The following SLC14A2 variants were observed in gnomAD, a reference collection of about 807,000 sequenced individuals.
SLC14A2 encodes the protein solute carrier family 14 member 2.
A neutral mutation model predicts 104.6 loss-of-function variants in SLC14A2; 91 were observed. That is an observed-to-expected ratio of 0.87 (90% CI 0.73 to 1.04). SLC14A2 has a LOEUF of 1.04. Among genes scored for constraint, SLC14A2 ranks in the 50% least tolerant of loss-of-function variants. The probability of loss-of-function intolerance (pLI) is 0.00; values close to 1 mark genes in which losing one functional copy is unlikely to be tolerated. For missense variants in SLC14A2, 1,189 were observed against 1,156.0 expected (o/e 1.03, Z -0.41); for synonymous variants, 476 against 466.4 (o/e 1.02, Z -0.27).
At chr18:45,472,017 T>TC (rs2087259020) in intron 1 of SLC14A2, among the ~76,000 whole-genome samples, 1 of 152,116 alleles carries the variant, frequency 6.6e-6, no homozygotes, top group Non-Finnish European at 1.5e-5. Flanking sequence ...CCTAATGCTA[T>TC]CCTTCCCCTA....
At chr18:45,594,881 C>T (rs941317751) in intron 2 of SLC14A2, among the ~76,000 whole-genome samples, 7 of 152,158 alleles carry the variant, frequency 4.6e-5, no homozygotes, top group Admixed American at 3.3e-4. Context: ...ACACCCTGGT[C>T]GGAACAGAAT....
intron 1 of SLC14A2, among the ~76,000 whole-genome samples, chr18:45,307,131 C>A (rs998232651): frequency 2.0e-5 from 3 of 152,040 alleles, no homozygotes; most frequent in Non-Finnish European, 2.9e-5. Flanking sequence ...AAAAGACTAA[C>A]CTTGGCCGGG....
Position 45,502,916 on chromosome 18 carries a change from GT to G in SLC14A2, c.-35+19606del, listed in dbSNP as rs1305401201. 3.9e-3 allele frequency among the ~76,000 whole-genome samples: 554 copies of G among 143,266 alleles called. 3 individuals carry two copies. Among genetic ancestry groups the G allele is most frequent in the African/African-American group, 0.011 (448 of 39,486 alleles). 94.0% of individuals were successfully genotyped at this position (143,266 alleles called of 152,430 possible). A position where few individuals can be genotyped will look rare whatever the true frequency, so the allele number is the denominator to read the frequency against. ...ATGTGTCCTATGTGTCCTATTTCTGGTTTTTTTTTTTTAAGGAATGATCAAT... is the reference window on the plus strand; with the variant it reads ...ATGTGTCCTATGTGTCCTATTTCTGGTTTTTTTTTTTAAGGAATGATCAAT... On this transcript the variant is annotated intron_variant, in intron 2 of 20. Transcript: ENST00000586448.
intron 1 of SLC14A2, among the ~76,000 whole-genome samples, chr18:45,257,880 T>G (rs1300012973): frequency 2.0e-5 from 3 of 152,196 alleles, no homozygotes; most frequent in Non-Finnish European, 4.4e-5. Context: ...TTATCACATA[T>G]TTGAGCCACA....
chr18:45,192,546 C>G, the SLC14A2 span, among the ~76,000 whole-genome samples: 1 of 152,096 alleles, frequency 6.6e-6, no homozygotes, highest in Non-Finnish European at 1.5e-5. Flanking sequence ...TGTTTCGTTT[C>G]CTTCACATGC....
At chr18:45,178,475 A>G in the SLC14A2 span, among the ~76,000 whole-genome samples, 2 of 152,178 alleles carry the variant, frequency 1.3e-5, no homozygotes, top group Non-Finnish European at 2.9e-5. Context: ...TAATTTAGAG[A>G]ACACCTGAGA....
At chr18:45,366,005 A>C (rs930972082) in intron 1 of SLC14A2, among the ~76,000 whole-genome samples, 1 of 152,128 alleles carries the variant, frequency 6.6e-6, no homozygotes. Context: ...AAAAAAAAAA[A>C]AAAATCAACT....
chr18:45,642,168 T>C (rs1231219318), intron 8 of SLC14A2, among the ~76,000 whole-genome samples: 1 of 152,172 alleles, frequency 6.6e-6, no homozygotes, highest in East Asian at 1.9e-4. Context: ...CATTAATAAA[T>C]AAAACTAGAG....
rs74775616 is a variant in SLC14A2, at chr18:45,625,425, T to C, written c.151-258T>C. ...TACAAACATTATTCTGAAAAGAAGC[T>C]CATGGGCTTCATTAAACTGCCAAAA... is the stretch of plus-strand genomic sequence containing the variant. On this transcript the variant is annotated intron_variant, in intron 2 of 19. Transcript: ENST00000255226. Among the ~76,000 whole-genome samples the C allele has an allele frequency of 4.6e-4, 70 of 152,320 alleles. 1 individual carries two copies. In the East Asian group the frequency reaches 0.014, roughly 29 times the overall value.
At chr18:45,274,103 T>C (rs1356370148) in intron 1 of SLC14A2, among the ~76,000 whole-genome samples, 4 of 152,150 alleles carry the variant, frequency 2.6e-5, no homozygotes. Flanking sequence ...GTATTGGTGA[T>C]AGCACAACCT....
intron 3 of SLC14A2, 60 bp downstream of exon 3, chr18:45,625,923 T>C (rs2144506872): frequency 7.8e-7 from 1 of 1,284,014 alleles, no homozygotes; most frequent in South Asian, 2.2e-5. Flanking sequence ...GACAACCCTC[T>C]CTCCGGTTTG....
intron 1 of SLC14A2, among the ~76,000 whole-genome samples, chr18:45,285,400 A>G (rs1054399089): frequency 2.0e-5 from 3 of 152,314 alleles, no homozygotes; most frequent in South Asian, 2.1e-4. Flanking sequence ...TCCATCAGTC[A>G]CTGCACTATA....
At chr18:45,356,848 A>G (rs2085559159) in intron 1 of SLC14A2, among the ~76,000 whole-genome samples, 1 of 152,186 alleles carries the variant, frequency 6.6e-6, no homozygotes, top group African/African-American at 2.4e-5. Flanking sequence ...TTTGGAAATG[A>G]GAGGTCTGTA....
intron 1 of SLC14A2, among the ~76,000 whole-genome samples, chr18:45,439,838 C>A (rs948807101): frequency 6.6e-6 from 1 of 152,104 alleles, no homozygotes; most frequent in Non-Finnish European, 1.5e-5. Flanking sequence ...CACCAGTTGG[C>A]CTTTTACACC....
intron 1 of SLC14A2, among the ~76,000 whole-genome samples, chr18:45,243,995 C>A (rs555961108): frequency 7.2e-5 from 11 of 152,180 alleles, no homozygotes; most frequent in Non-Finnish European, 1.5e-4. Context: ...TATATAATGT[C>A]TCTGGGGTTA....
chr18:45,657,435 C>T (rs1366280814), intron 10 of SLC14A2, among the ~76,000 whole-genome samples: 2 of 145,752 alleles, frequency 1.4e-5, no homozygotes, highest in East Asian at 2.0e-4. Flanking sequence ...TGCAGTGAGC[C>T]GAGATCACGC....
chr18:45,666,276 C>G (rs1450364017), intron 12 of SLC14A2, 57 bp downstream of exon 12: 1 of 1,165,090 alleles, frequency 8.6e-7, no homozygotes, highest in Non-Finnish European at 1.3e-6. Context: ...GAGCCCACAG[C>G]AGATGAGGGA....
At chr18:45,554,235 C>T (rs1000534752) in intron 2 of SLC14A2, among the ~76,000 whole-genome samples, 6 of 152,184 alleles carry the variant, frequency 3.9e-5, no homozygotes, top group African/African-American at 1.4e-4. Context: ...CAGTAATTTA[C>T]AAGAGTCAGC....
intron 1 of SLC14A2, among the ~76,000 whole-genome samples, chr18:45,298,705 TAAATA>T (rs2084939772): frequency 1.3e-5 from 2 of 152,134 alleles, no homozygotes; most frequent in Admixed American, 6.5e-5. Flanking sequence ...AATGGAAAGT[TAAATA>T]AAGATACCCA....
Sources: gnomAD v4.1 joint callset for allele counts (sites outside exome capture counted in the v4.1 genomes callset) on GRCh38, gnomAD v4.1.1 for gene constraint, MANE v1.5 for transcripts, NCBI Gene and HGNC (gene_info 2026-07-23, HGNC 2026-07-21) for gene names.